ADAM22: variants seen among roughly 807,000 people sequenced by gnomAD.
The protein encoded by ADAM22 is disintegrin and metalloproteinase domain-containing protein 22.
Under a neutral mutation model 144.6 loss-of-function variants are expected in ADAM22, and 65 were observed. The ratio of observed to expected loss-of-function variants is 0.45; its 90% confidence interval spans 0.37 to 0.55. The LOEUF is 0.55. ADAM22 is among the 20% of genes least tolerant of loss of function. The pLI is 0.00. For missense variants in ADAM22, 974 were observed against 1,184.9 expected (o/e 0.82, Z 2.61); for synonymous variants, 391 against 412.6 (o/e 0.95, Z 0.63).
Position 88,171,786 on chromosome 7 carries a change from C to T in ADAM22, c.2300+225C>T, listed in dbSNP as rs17150315. Among the ~76,000 whole-genome samples the T allele has an allele frequency of 8.1e-3, 1,224 of 151,610 alleles. 20 individuals carry two copies. Among genetic ancestry groups the T allele is most frequent in the African/African-American group, 0.028 (1,171 of 41,434 alleles). Reference sequence around the variant, plus strand: ...TAATTTTAATGGATCTTTTATCCAACGATACTACAATTAGTGGAGTCTTGC... The same window carrying T: ...TAATTTTAATGGATCTTTTATCCAATGATACTACAATTAGTGGAGTCTTGC... On this transcript the variant is annotated intron_variant, in intron 26 of 31. Transcript: ENST00000413139.
chr7:88,123,372 C>G (rs889609074), intron 7 of ADAM22, among the ~76,000 whole-genome samples: 1 of 151,808 alleles, frequency 6.6e-6, no homozygotes, highest in Non-Finnish European at 1.5e-5. Context: ...GTGAAGCCAT[C>G]TGGCCTTGTG....
intron 3 of ADAM22, among the ~76,000 whole-genome samples, chr7:88,039,523 TG>T (rs1802566442): frequency 6.9e-6 from 1 of 145,518 alleles, no homozygotes; most frequent in African/African-American, 2.5e-5. Context: ...AACCTGATTT[TG>T]TTTCTATATC....
intron 3 of ADAM22, among the ~76,000 whole-genome samples, chr7:88,044,685 A>T (rs1395051632): frequency 1.3e-5 from 2 of 151,018 alleles, no homozygotes; most frequent in African/African-American, 4.9e-5. Context: ...TGACCTCATG[A>T]TCCACCCGCC....
At position 88,202,129 on chromosome 7, in the gene ADAM22, T is replaced by C. The variant is rs562068007; in HGVS notation, c.*5638T>C. The C allele has an allele frequency of 6.6e-6, 1 of 152,312 alleles. No individual in the cohort carries two copies. The highest frequency in any genetic ancestry group is 2.1e-4 in the South Asian group (1 of 4,822). The allele number at this position is 152,312 out of a possible 1,614,324, so 9.4% of individuals were successfully genotyped here. ...CCTGACTAGAAACCCCACTTTTCTT[T>C]TCTAATCCAGCACAAAATCAAACTC... On this transcript the variant is annotated 3_prime_UTR_variant, in exon 32 of 32. Transcript: ENST00000413139.
rs1303434565 is a variant in ADAM22 at position 88,171,538 on chromosome 7, GA to G, written c.2283-2del. 1.3e-6 allele frequency: 2 copies of G among 1,591,574 alleles called. No homozygotes were observed. The highest frequency in any genetic ancestry group is 1.7e-6 in the Non-Finnish European group (2 of 1,171,446). On this transcript the variant is annotated splice_region_variant and splice_polypyrimidine_tract_variant and intron_variant, in intron 25 of 31. Coordinates refer to ENST00000413139, the MANE Select transcript of ADAM22 (RefSeq NM_001324418.2). ...TTTCCCTCTTTCTCTTCTTGTCCAT[GA>G]AAAGAAACTATCGAGAACAGAGGTA...
chr7:88,060,934 T>C (rs1171909153), intron 3 of ADAM22, among the ~76,000 whole-genome samples: 1 of 151,714 alleles, frequency 6.6e-6, no homozygotes, highest in Non-Finnish European at 1.5e-5. Flanking sequence ...TGAAACCCTG[T>C]CTCTACTAAA....
At chr7:88,081,436 A>G (rs1191021755) in intron 4 of ADAM22, among the ~76,000 whole-genome samples, 1 of 152,236 alleles carries the variant, frequency 6.6e-6, no homozygotes, top group Non-Finnish European at 1.5e-5. Context: ...GGCACAAGAC[A>G]GGGATGCCCT....
chr7:88,113,676 A>T (rs928514988), intron 5 of ADAM22, among the ~76,000 whole-genome samples: 4 of 121,626 alleles, frequency 3.3e-5, no homozygotes, highest in African/African-American at 9.8e-5. Context: ...ATATATATAT[A>T]ATATATATAT....
At chr7:88,190,998 C>G (rs142017263) in intron 30 of ADAM22, among the ~76,000 whole-genome samples, 1 of 151,728 alleles carries the variant, frequency 6.6e-6, no homozygotes, top group Non-Finnish European at 1.5e-5. Context: ...TCTCATCCCC[C>G]CAAGATAATC....
chr7:88,091,101 C>T (rs1819724030), intron 4 of ADAM22, among the ~76,000 whole-genome samples: 1 of 152,094 alleles, frequency 6.6e-6, no homozygotes, highest in African/African-American at 2.4e-5. Context: ...TATTGCTGTC[C>T]TGTAGAAAGA....
In ADAM22 at chr7:88,198,418, G is replaced by A. The variant is rs1391964848; in HGVS notation, c.*1927G>A. On this transcript the variant is annotated 3_prime_UTR_variant, in exon 32 of 32. Transcript: ENST00000413139. ...GTGATTGTTGATATGACCATAAAGCGATCCATCAGGCCAAGGTTTGGGTGA... is the reference window on the plus strand; with the variant it reads ...GTGATTGTTGATATGACCATAAAGCAATCCATCAGGCCAAGGTTTGGGTGA... 1 of 152,130 alleles carries A rather than the reference G, an allele frequency of 6.6e-6. No homozygotes were observed. Among genetic ancestry groups the A allele is most frequent in the Non-Finnish European group, 1.5e-5 (1 of 68,026 alleles). The allele number at this position is 152,130 out of a possible 1,614,324, so 9.4% of individuals were successfully genotyped here. A position where few individuals can be genotyped will look rare whatever the true frequency, so the allele number is the denominator to read the frequency against.
Position 87,934,386 on chromosome 7 carries a change from C to T in ADAM22, c.-80C>T. Reference sequence around the variant, plus strand: ...GAGGTGGCCGCGGGGACCCCGGGGGCGCGGAGCGAGGGAAACGGACTCGGC... The same window carrying T: ...GAGGTGGCCGCGGGGACCCCGGGGGTGCGGAGCGAGGGAAACGGACTCGGC... On this transcript the variant is annotated 5_prime_UTR_variant, in exon 1 of 32. Transcript: ENST00000413139. The T allele has an allele frequency of 1.4e-6, 2 of 1,412,658 alleles. No homozygotes were observed. The highest frequency in any genetic ancestry group is 2.5e-5 in the South Asian group (2 of 78,914). The allele number at this position is 1,412,658 out of a possible 1,614,324, so 87.5% of individuals were successfully genotyped here.
At chr7:88,171,653 A>G in intron 26 of ADAM22, 92 bp downstream of exon 26, 1 of 1,193,918 alleles carries the variant, frequency 8.4e-7, no homozygotes, top group South Asian at 1.6e-5. Context: ...AATTAAGTTC[A>G]CTTTGTTTTT....
intron 3 of ADAM22, among the ~76,000 whole-genome samples, chr7:87,997,989 G>C (rs1328998701): frequency 6.6e-6 from 1 of 152,228 alleles, no homozygotes; most frequent in African/African-American, 2.4e-5. Context: ...GCAGCCGTCA[G>C]TCTATGGCTG....
chr7:87,938,494 C>T (rs959706206), intron 2 of ADAM22, among the ~76,000 whole-genome samples: 2 of 151,970 alleles, frequency 1.3e-5, no homozygotes, highest in South Asian at 2.1e-4. Context: ...GCTGGGATTA[C>T]AAACATGAGC....
chr7:88,129,418 CATTT>C (rs903196426), intron 9 of ADAM22, among the ~76,000 whole-genome samples: 15 of 152,006 alleles, frequency 9.9e-5, no homozygotes, highest in South Asian at 8.3e-4. Context: ...AAAAAATGAT[CATTT>C]ATTTATGTAT....
In ADAM22 at chr7:88,195,731, A is replaced by G. The variant is rs537121550; in HGVS notation, c.2875-740A>G. The stretch of plus-strand genomic sequence containing the variant: ...ACGGGGTTTCACCGTGTTATGCAGG[A>G]TGGTCTCGATCTCCTGACCTCGTGA... On this transcript the variant is annotated intron_variant, in intron 31 of 31. Transcript: ENST00000413139. Among the ~76,000 whole-genome samples, 273 of 152,012 alleles carry G rather than the reference A, an allele frequency of 1.8e-3. 4 individuals carry two copies. Among genetic ancestry groups the G allele is most frequent in the Admixed American group, 0.017 (262 of 15,264 alleles).
intron 22 of ADAM22, among the ~76,000 whole-genome samples, chr7:88,160,128 A>C (rs1233107536): frequency 6.6e-6 from 1 of 152,166 alleles, no homozygotes; most frequent in Non-Finnish European, 1.5e-5. Context: ...GCTGAGGGTC[A>C]AATCAGGAAT....
intron 4 of ADAM22, among the ~76,000 whole-genome samples, chr7:88,086,003 C>T (rs1362128378): frequency 5.3e-5 from 8 of 152,116 alleles, no homozygotes; most frequent in Middle Eastern, 3.4e-3. Flanking sequence ...GGTGAAACCC[C>T]GTCTCTACTA....
Sources: gnomAD v4.1 joint callset for allele counts (sites outside exome capture counted in the v4.1 genomes callset) on GRCh38, gnomAD v4.1.1 for gene constraint, MANE v1.5 for transcripts, NCBI Gene and HGNC (gene_info 2026-07-23, HGNC 2026-07-21) for gene names.